The following SOX5 variants were observed in gnomAD, a reference collection of about 807,000 sequenced individuals.
SOX5 encodes SRY-box transcription factor 5.
In SOX5, 9 loss-of-function variants were observed where a neutral mutation model predicts 92.0. The ratio of observed to expected loss-of-function variants is 0.10; its 90% confidence interval spans 0.06 to 0.17. The LOEUF is 0.17. SOX5 is among the 10% of genes least tolerant of loss of function. The pLI is 1.00. For synonymous variants in SOX5, 344 were observed against 336.3 expected, an observed-to-expected ratio of 1.02 and a Z score of -0.25; for missense variants, 642 against 944.5, an observed-to-expected ratio of 0.68 and a Z score of 4.20.
intron 9 of SOX5, among the ~76,000 whole-genome samples, chr12:23,595,529 G>A (rs11046998): frequency 0.2 from 29,431 of 146,640 alleles, 3,174 homozygotes; most frequent in Admixed American, 0.29. Flanking sequence ...TGAGGCAGGA[G>A]AATGGTGTGA....
chr12:24,129,905 T>G (rs530464733), intron 4 of SOX5, among the ~76,000 whole-genome samples: 2 of 152,198 alleles, frequency 1.3e-5, no homozygotes, highest in Non-Finnish European at 2.9e-5. Context: ...TTAGAGGAGA[T>G]TTCAACACAT....
chr12:24,095,044 G>A (rs1266223607), intron 4 of SOX5, among the ~76,000 whole-genome samples: 1 of 150,136 alleles, frequency 6.7e-6, no homozygotes, highest in Non-Finnish European at 1.5e-5. Flanking sequence ...CAAAAAGATT[G>A]TACATTACAA....
At chr12:23,821,810 T>C (rs2096123720) in intron 3 of SOX5, among the ~76,000 whole-genome samples, 1 of 152,164 alleles carries the variant, frequency 6.6e-6, no homozygotes, top group South Asian at 2.1e-4. Context: ...TTGTTATTGG[T>C]CTATTCAGGG....
At chr12:24,044,721 G>A (rs1440594631) in intron 4 of SOX5, among the ~76,000 whole-genome samples, 3 of 152,108 alleles carry the variant, frequency 2.0e-5, no homozygotes, top group Admixed American at 6.5e-5. Flanking sequence ...ATTCCATATC[G>A]AACTGAACCT....
At chr12:23,791,599 A>G (rs2095475980) in intron 3 of SOX5, among the ~76,000 whole-genome samples, 1 of 152,144 alleles carries the variant, frequency 6.6e-6, no homozygotes. Context: ...CTTATCCACA[A>G]CCTGCATTGT....
rs573196562 is a variant in SOX5, at chr12:24,540,740, C to T, written c.-251+21589G>A. Among the ~76,000 whole-genome samples the T allele has an allele frequency of 2.0e-5, 3 of 152,240 alleles. No homozygotes were observed. The South Asian group carries it at 6.2e-4, about 32-fold the overall frequency. ...TGGCATCATTGGAAAAGGGGTTTTG[C>T]TTCTCTGGGTGACAATTTTGAAAAC... On this transcript the variant is annotated intron_variant, in intron 1 of 4. Coordinates refer to the SOX5 transcript ENST00000446891.
chr12:23,775,719 C>T (rs1367224314), intron 3 of SOX5, among the ~76,000 whole-genome samples: 1 of 152,166 alleles, frequency 6.6e-6, no homozygotes, highest in Non-Finnish European at 1.5e-5. Context: ...ACATGCTTTG[C>T]CAATTAGCTG....
chr12:24,017,554 C>T (rs542654579), intron 4 of SOX5, among the ~76,000 whole-genome samples: 3 of 151,992 alleles, frequency 2.0e-5, no homozygotes, highest in Admixed American at 6.6e-5. Context: ...GAGCCAAGAT[C>T]GCGCCCCTGC....
intron 2 of SOX5, among the ~76,000 whole-genome samples, chr12:24,300,107 T>C (rs1209590629): frequency 6.6e-6 from 1 of 152,256 alleles, no homozygotes; most frequent in East Asian, 1.9e-4. Flanking sequence ...AATTTAAATG[T>C]ATTTTAAACT....
At chr12:23,885,321 AAGCTAC>A in intron 2 of SOX5, among the ~76,000 whole-genome samples, 1 of 152,314 alleles carries the variant, frequency 6.6e-6, no homozygotes, top group South Asian at 2.1e-4. Flanking sequence ...TAAATTTATA[AAGCTAC>A]ATTTGGAGCT....
At chr12:23,541,030 T>G (rs1380233430) in intron 13 of SOX5, among the ~76,000 whole-genome samples, 3 of 152,214 alleles carry the variant, frequency 2.0e-5, no homozygotes, top group Non-Finnish European at 4.4e-5. Flanking sequence ...TATTTGTTCC[T>G]AAATATAAAT....
At chr12:24,092,820 A>G (rs183579228) in intron 4 of SOX5, among the ~76,000 whole-genome samples, 1 of 152,298 alleles carries the variant, frequency 6.6e-6, no homozygotes, top group African/African-American at 2.4e-5. Context: ...TGTTCTGGGC[A>G]TGTTTCTTGC....
At chr12:24,285,694 G>A (rs117090816) in intron 2 of SOX5, among the ~76,000 whole-genome samples, 1 of 152,284 alleles carries the variant, frequency 6.6e-6, no homozygotes, top group Non-Finnish European at 1.5e-5. Context: ...TTAACATGTA[G>A]TCATTTGTTT....
At position 24,029,300 on chromosome 12, in the gene SOX5, G is replaced by C. The variant is rs535328364; in HGVS notation, c.-1-133276C>G. Among the ~76,000 whole-genome samples, 6 of 151,794 alleles carry C rather than the reference G, an allele frequency of 4.0e-5. No individual in the cohort carries two copies. In the South Asian group the frequency reaches 1.0e-3, roughly 26 times the overall value. ...TTTATTACTTATTTATTAGAGATAG[G>C]GTCTCATTCTGTCACTAAAGCCAGA... On this transcript the variant is annotated intron_variant, in intron 4 of 4. Coordinates refer to the SOX5 transcript ENST00000446891.
intron 4 of SOX5, among the ~76,000 whole-genome samples, chr12:24,128,165 G>C: frequency 6.6e-6 from 1 of 152,096 alleles, no homozygotes; most frequent in Admixed American, 6.5e-5. Flanking sequence ...TGTGGGTTTT[G>C]CTGTTATTTG....
rs777013504 is a variant in SOX5 at position 23,779,814 on chromosome 12, T to TATATATATATACAC, written c.482-24091_482-24090insGTGTATATATATAT. 7.5e-3 allele frequency among the ~76,000 whole-genome samples: 832 copies of TATATATATATACAC among 110,632 alleles called. 4 individuals are homozygous for TATATATATATACAC. The highest frequency in any genetic ancestry group is 0.02 in the African/African-American group (550 of 26,936). 72.6% of individuals were successfully genotyped at this position (110,632 alleles called of 152,430 possible). A position where few individuals can be genotyped will look rare whatever the true frequency, so the allele number is the denominator to read the frequency against. On this transcript the variant is annotated intron_variant, in intron 3 of 14. Coordinates refer to ENST00000451604, the MANE Select transcript of SOX5 (RefSeq NM_006940.6). The stretch of plus-strand genomic sequence containing the variant: ...ATATATATATATATATATATATATA[T>TATATATATATACAC]ACACACACACACACACACACACACA...
At chr12:24,445,072 C>CATT (rs1425824736) in intron 1 of SOX5, among the ~76,000 whole-genome samples, 1 of 152,180 alleles carries the variant, frequency 6.6e-6, no homozygotes, top group East Asian at 1.9e-4. Context: ...CCAGGACTGA[C>CATT]ATTAGTCTCT....
At chr12:24,527,186 T>C (rs534274116) in intron 1 of SOX5, among the ~76,000 whole-genome samples, 44 of 152,276 alleles carry the variant, frequency 2.9e-4, no homozygotes, top group African/African-American at 1.0e-3. Flanking sequence ...GCATCCCCAA[T>C]GCCTATGAGT....
At chr12:23,534,813 G>A (rs1007489700) in intron 14 of SOX5, among the ~76,000 whole-genome samples, 3 of 150,176 alleles carry the variant, frequency 2.0e-5, no homozygotes, top group Admixed American at 6.7e-5. Flanking sequence ...GGGTTCAAGC[G>A]ATTCTCCTGC....
Sources: gnomAD v4.1 joint callset for allele counts (sites outside exome capture counted in the v4.1 genomes callset) on GRCh38, gnomAD v4.1.1 for gene constraint, MANE v1.5 for transcripts, NCBI Gene and HGNC (gene_info 2026-07-23, HGNC 2026-07-21) for gene names.